The following RPL27 variants were observed in gnomAD, a reference collection of about 807,000 sequenced individuals.
RPL27 encodes the protein ribosomal protein L27.
For synonymous variants in RPL27, 77 were observed against 61.0 expected, an observed-to-expected ratio of 1.26 and a Z score of -1.22; for missense variants, 131 against 174.3, an observed-to-expected ratio of 0.75 and a Z score of 1.40.
chr17:43,001,608 G>A (rs1296525113), intron 3 of RPL27, among the ~76,000 whole-genome samples: 1 of 151,470 alleles, frequency 6.6e-6, no homozygotes, highest in Non-Finnish European at 1.5e-5. Flanking sequence ...GTGACAGAGC[G>A]AGACTCCATC....
intron 3 of RPL27, among the ~76,000 whole-genome samples, chr17:43,002,422 G>A (rs1034728262): frequency 1.1e-4 from 17 of 152,114 alleles, no homozygotes; most frequent in African/African-American, 3.9e-4. Flanking sequence ...CAGGAGAATG[G>A]CGTGAACCCG....
chr17:43,002,841 C>T (rs1315892725), intron 4 of RPL27, 31 bp from the exon 5 acceptor site: 1 of 1,610,596 alleles, frequency 6.2e-7, no homozygotes, highest in Admixed American at 1.7e-5. Flanking sequence ...CATTCCTTTC[C>T]TCATTGGTGT....
intron 3 of RPL27, among the ~76,000 whole-genome samples, chr17:43,002,431 C>T (rs2050373806): frequency 1.3e-5 from 2 of 151,622 alleles, no homozygotes; most frequent in Admixed American, 6.6e-5. Context: ...GGCGTGAACC[C>T]GGGAGGCGGA....
chr17:43,002,553 C>G, intron 3 of RPL27, 120 bp from the exon 4 acceptor site: 1 of 676,364 alleles, frequency 1.5e-6, no homozygotes, highest in East Asian at 2.5e-5. Flanking sequence ...CGGGACATGG[C>G]TTTTGATGGT....
In RPL27 at chr17:43,002,532, G is replaced by A. The variant is rs2050375457; in HGVS notation, c.252-141G>A. ...AAAAAAAAAAAAGTGTGAATTTTCAGATAATGTCATCGGGACATGGCTTTT... is the reference window on the plus strand; with the variant it reads ...AAAAAAAAAAAAGTGTGAATTTTCAAATAATGTCATCGGGACATGGCTTTT... On this transcript the variant is annotated intron_variant, in intron 3 of 4. Coordinates refer to ENST00000253788, the MANE Select transcript of RPL27 (RefSeq NM_000988.5). 5 of 622,238 alleles carry A rather than the reference G, an allele frequency of 8.0e-6. No individual in the cohort carries two copies. In the South Asian group the frequency reaches 9.8e-5, roughly 12 times the overall value. The allele number at this position is 622,238 out of a possible 1,614,324, so 38.5% of individuals were successfully genotyped here.
At chr17:43,002,538 G>C (rs1242838174) in intron 3 of RPL27, 135 bp from the exon 4 acceptor site, 2 of 638,646 alleles carry the variant, frequency 3.1e-6, no homozygotes, top group Non-Finnish European at 5.7e-6. Flanking sequence ...TTCAGATAAT[G>C]TCATCGGGAC....
At chr17:42,999,033 C>T (rs2050331097) in intron 2 of RPL27, 2 of 559,872 alleles carry the variant, frequency 3.6e-6, no homozygotes, top group Non-Finnish European at 6.4e-6. Flanking sequence ...CGCATAAAGC[C>T]TTCTCCACCA....
At chr17:42,999,801 G>A (rs1187777537) in intron 2 of RPL27, 132 bp from the exon 3 acceptor site, 4 of 658,852 alleles carry the variant, frequency 6.1e-6, no homozygotes, top group African/African-American at 3.6e-5. Flanking sequence ...ATAGCTTTCT[G>A]TGATTTTTCT....
rs568891333 is a variant in RPL27, at chr17:43,001,396, C to T, written c.252-1277C>T. Among the ~76,000 whole-genome samples the T allele has an allele frequency of 5.9e-5, 9 of 152,008 alleles. No homozygotes were observed. The South Asian group carries it at 1.5e-3, about 25-fold the overall frequency. ...ATCCCAGCACTTTGGGAGGCCGAGG[C>T]AGGTGGATCGCTTGAGGTCAGGAGT... is the stretch of plus-strand genomic sequence containing the variant. On this transcript the variant is annotated intron_variant, in intron 3 of 4. Coordinates refer to ENST00000253788, the MANE Select transcript of RPL27 (RefSeq NM_000988.5).
chr17:43,002,239 C>T (rs2050370580), intron 3 of RPL27, among the ~76,000 whole-genome samples: 2 of 151,808 alleles, frequency 1.3e-5, no homozygotes, highest in South Asian at 2.1e-4. Context: ...GATGCGGTGA[C>T]TCACGCCTAT....
intron 3 of RPL27, 68 bp downstream of exon 3, chr17:43,000,170 G>C: frequency 8.0e-7 from 1 of 1,243,838 alleles, no homozygotes; most frequent in East Asian, 2.4e-5. Context: ...GACAGACCTT[G>C]CAGCCATTCC....
At chr17:42,998,331 A>ACACGAGACT (rs1208421463), upstream of RPL27, 1 of 156,144 alleles carries the variant, frequency 6.4e-6, no homozygotes, top group Non-Finnish European at 1.4e-5. Context: ...TCCGCCCGCA[A>ACACGAGACT]CACGAGACTC....
At position 42,998,762 on chromosome 17, in the gene RPL27, C is replaced by T; in HGVS notation, c.12C>T (p.Phe4=). The T allele has an allele frequency of 6.2e-7, 1 of 1,613,830 alleles. No individual in the cohort carries two copies. MGK[F]MKPGKVVLVL... is the part of the protein sequence containing the mutation. ...TGCTCTCTGCAGAAATGGGCAAGTT[C>T]ATGAAACCTGGGAAGGTGGTGCTTG... Residue 4 remains phenylalanine, a synonymous_variant, in exon 2 of 5, where the codon TTC becomes TTT. Coordinates refer to ENST00000253788, the MANE Select transcript of RPL27 (RefSeq NM_000988.5).
rs533615868 is a variant in RPL27 at position 43,002,744 on chromosome 17, G to A, written c.323G>A (p.Arg108His). The change falls in exon 4 of 5, where the codon CGC becomes CAC. Residue 108 changes from arginine to histidine, a missense_variant. By Grantham distance (29) the Arg-to-His change is conservative. Coordinates refer to ENST00000253788, the MANE Select transcript of RPL27 (RefSeq NM_000988.5). ...KDVFRDPALK[R>H]KARREAKVKF... Reference sequence around the variant, plus strand: ...GTCTTCAGAGATCCTGCTCTTAAACGCAAGGCCCGACGGGAGGCCAAGGTC... The same window carrying A: ...GTCTTCAGAGATCCTGCTCTTAAACACAAGGCCCGACGGGAGGCCAAGGTC... 1.4e-5 allele frequency: 22 copies of A among 1,613,754 alleles called. No individual in the cohort carries two copies. Among genetic ancestry groups the A allele is most frequent in the South Asian group, 7.7e-5 (7 of 91,072 alleles).
chr17:43,002,642 G>A (rs2050377238), intron 3 of RPL27, 31 bp from the exon 4 acceptor site: 1 of 1,399,238 alleles, frequency 7.1e-7, no homozygotes, highest in South Asian at 1.2e-5. Context: ...CAGTATGTGG[G>A]CTAATCCTGC....
chr17:43,001,145 C>T (rs939037344), intron 3 of RPL27, among the ~76,000 whole-genome samples: 4 of 148,626 alleles, frequency 2.7e-5, no homozygotes, highest in African/African-American at 5.0e-5. Context: ...AGATCGAGAC[C>T]GCACTGGCTA....
intron 2 of RPL27, 83 bp downstream of exon 2, chr17:42,998,914 C>A: frequency 8.9e-7 from 1 of 1,128,070 alleles, no homozygotes. Flanking sequence ...GAATTCAAGG[C>A]CTGTTTCTGG....
chr17:43,002,835 C>T, intron 4 of RPL27, 37 bp from the exon 5 acceptor site: 1 of 1,608,662 alleles, frequency 6.2e-7, no homozygotes, highest in Non-Finnish European at 8.5e-7. Flanking sequence ...TATTTCCATT[C>T]CTTTCCTCAT....
intron 3 of RPL27, among the ~76,000 whole-genome samples, chr17:43,001,037 A>G (rs2050355852): frequency 1.3e-5 from 2 of 148,442 alleles, no homozygotes; most frequent in South Asian, 4.3e-4. Context: ...CAAGGAGAGC[A>G]AAGCTCCGTC....
Sources: allele counts gnomAD v4.1 joint callset (sites outside exome capture counted in the v4.1 genomes callset), GRCh38; gene constraint gnomAD v4.1.1; transcripts MANE v1.5; gene names NCBI Gene and HGNC (gene_info 2026-07-23, HGNC 2026-07-21).